Variants in RABGAP1L observed in about 807,000 individuals in gnomAD.
The protein encoded by RABGAP1L is RAB GTPase activating protein 1 like.
A neutral mutation model predicts 137.7 loss-of-function variants in RABGAP1L; 63 were observed. That is an observed-to-expected ratio of 0.46 (90% CI 0.37 to 0.56). The LOEUF (loss-of-function observed/expected upper bound fraction) is 0.56. Ranked by LOEUF, RABGAP1L falls within the 20% of genes least tolerant of loss-of-function variation. The pLI is 0.00. For synonymous variants in RABGAP1L, 431 were observed against 433.7 expected (o/e 0.99, Z 0.08); for missense variants, 1,095 against 1,244.0 (o/e 0.88, Z 1.80).
At chr1:174,906,930 G>A (rs1318836957) in intron 19 of RABGAP1L, among the ~76,000 whole-genome samples, 1 of 151,714 alleles carries the variant, frequency 6.6e-6, no homozygotes, top group Non-Finnish European at 1.5e-5. Context: ...CAAGAATACT[G>A]TACCCAGAAA....
intron 1 of RABGAP1L, among the ~76,000 whole-genome samples, chr1:174,188,773 G>A (rs1231900420): frequency 1.3e-5 from 2 of 152,198 alleles, no homozygotes; most frequent in African/African-American, 4.8e-5. Flanking sequence ...TCAGTAAACA[G>A]TGCTCTAAGC....
At chr1:174,470,251 A>G (rs1026046706) in intron 13 of RABGAP1L, among the ~76,000 whole-genome samples, 13 of 152,220 alleles carry the variant, frequency 8.5e-5, no homozygotes, top group African/African-American at 2.9e-4. Flanking sequence ...GGTTTAAATC[A>G]GGAACTCTTA....
At chr1:174,328,009 A>ATATATATATATATATATATATATG (rs1680693211) in intron 11 of RABGAP1L, among the ~76,000 whole-genome samples, 1 of 128,894 alleles carries the variant, frequency 7.8e-6, no homozygotes. Flanking sequence ...ATATATATAT[A>ATATATATATATATATATATATATG]TATATATATA....
chr1:174,632,978 A>G (rs1197888860), intron 13 of RABGAP1L, among the ~76,000 whole-genome samples: 2 of 151,992 alleles, frequency 1.3e-5, no homozygotes, highest in African/African-American at 4.8e-5. Flanking sequence ...TCTGCGTTTT[A>G]GAGTTTCCAG....
chr1:174,896,516 T>C (rs565649786), intron 19 of RABGAP1L, among the ~76,000 whole-genome samples: 2 of 152,336 alleles, frequency 1.3e-5, no homozygotes, highest in South Asian at 4.1e-4. Context: ...TCGTTGCCCA[T>C]GCCTATGTCC....
chr1:174,550,999 C>CATATACATATATATATATATATAT (rs1666476787), intron 13 of RABGAP1L, among the ~76,000 whole-genome samples: 1 of 86,348 alleles, frequency 1.2e-5, no homozygotes, highest in African/African-American at 8.3e-5. Context: ...TATATATACA[C>CATATACATATATATATATATATAT]ATATATATAT....
rs376702230 is a variant in RABGAP1L, at chr1:174,365,869, G to T, written c.1466-5110G>T. On this transcript the variant is annotated intron_variant, in intron 11 of 25. Coordinates refer to ENST00000681986, the MANE Select transcript of RABGAP1L (RefSeq NM_001366446.1). ...TTTGTGCAGATGGTTGTTAAAATTTGGTGTTCCAGGGAGTGTGGGGGTGTG... is the reference window on the plus strand; with the variant it reads ...TTTGTGCAGATGGTTGTTAAAATTTTGTGTTCCAGGGAGTGTGGGGGTGTG... Among the ~76,000 whole-genome samples the T allele has an allele frequency of 3.9e-5, 6 of 152,246 alleles. No homozygotes were observed. The East Asian group carries it at 1.2e-3, about 29-fold the overall frequency.
At chr1:174,679,224 C>T (rs554735338) in intron 14 of RABGAP1L, among the ~76,000 whole-genome samples, 10 of 152,150 alleles carry the variant, frequency 6.6e-5, no homozygotes, top group Non-Finnish European at 1.3e-4. Flanking sequence ...GTCGGGTGTG[C>T]GGGTGTGAGC....
intron 10 of RABGAP1L, among the ~76,000 whole-genome samples, chr1:174,292,317 C>T (rs943523565): frequency 1.4e-5 from 2 of 139,736 alleles, no homozygotes; most frequent in Non-Finnish European, 3.0e-5. Context: ...TGGGCCATTG[C>T]ACCTACCTAA....
chr1:174,700,016 T>C (rs1679529631), intron 16 of RABGAP1L, among the ~76,000 whole-genome samples: 2 of 152,130 alleles, frequency 1.3e-5, no homozygotes, highest in African/African-American at 2.4e-5. Flanking sequence ...ACTTCCTTAT[T>C]TGAGTCCACG....
chr1:174,672,569 A>G (rs933145231), intron 14 of RABGAP1L, among the ~76,000 whole-genome samples: 8 of 149,460 alleles, frequency 5.4e-5, no homozygotes, highest in African/African-American at 2.0e-4. Flanking sequence ...TTTATTTGCA[A>G]CCTGTCTTCT....
chr1:174,219,162 A>T lies in RABGAP1L; in HGVS notation c.5A>T (p.Glu2Val). 6.3e-7 allele frequency: 1 copy of T among 1,593,576 alleles called. No individual in the cohort carries two copies. The highest frequency in any genetic ancestry group is 8.5e-7 in the Non-Finnish European group (1 of 1,171,906). ...AGAGAAGTTTGCAGAACTGAAATGG[A>T]GGTCAGAGCTTCATTACAGAAGGTT... M[E>V]VRASLQKVSG... Residue 2 changes from glutamate to valine, a missense_variant, in exon 2 of 26, where the codon GAG becomes GTG. By Grantham distance (121) the Glu-to-Val change is moderately radical. This residue lies in a region of RABGAP1L where 356 missense variants were observed against 326.3 expected (regional missense o/e 1.09). Coordinates refer to ENST00000681986, the MANE Select transcript of RABGAP1L (RefSeq NM_001366446.1).
chr1:174,387,574 A>T (rs1451226310), intron 12 of RABGAP1L, among the ~76,000 whole-genome samples: 2 of 149,110 alleles, frequency 1.3e-5, no homozygotes, highest in Admixed American at 1.3e-4. Context: ...GTAATATTGG[A>T]GTAGGAAGAA....
intron 18 of RABGAP1L, among the ~76,000 whole-genome samples, chr1:174,769,178 G>A (rs2148723592): frequency 6.6e-6 from 1 of 152,250 alleles, no homozygotes; most frequent in South Asian, 2.1e-4. Flanking sequence ...CAGTCTCATT[G>A]AAGGTTAGGG....
intron 19 of RABGAP1L, among the ~76,000 whole-genome samples, chr1:174,953,152 T>C (rs1006410086): frequency 2.0e-5 from 3 of 151,996 alleles, no homozygotes; most frequent in African/African-American, 7.3e-5. Flanking sequence ...ATATGATTAG[T>C]GAGATGAACA....
chr1:174,423,595 G>A (rs1651610041), intron 13 of RABGAP1L, among the ~76,000 whole-genome samples: 1 of 152,080 alleles, frequency 6.6e-6, no homozygotes, highest in Non-Finnish European at 1.5e-5. Flanking sequence ...CTATTTACAT[G>A]CTAAGTAATA....
intron 10 of RABGAP1L, among the ~76,000 whole-genome samples, chr1:174,287,592 A>C (rs1676177604): frequency 6.6e-6 from 1 of 152,140 alleles, no homozygotes; most frequent in African/African-American, 2.4e-5. Flanking sequence ...TCCTGGGTTC[A>C]AGTGATTCTC....
At chr1:174,746,837 G>A (rs766385942) in intron 17 of RABGAP1L, among the ~76,000 whole-genome samples, 1 of 152,068 alleles carries the variant, frequency 6.6e-6, no homozygotes, top group Non-Finnish European at 1.5e-5. Context: ...GATGAAATAG[G>A]GACATGCCTT....
intron 10 of RABGAP1L, among the ~76,000 whole-genome samples, chr1:174,283,378 G>A (rs1480199445): frequency 6.6e-6 from 1 of 151,938 alleles, no homozygotes; most frequent in African/African-American, 2.4e-5. Flanking sequence ...TTGCACTCCA[G>A]CCTGGGCCAC....
Sources: allele counts gnomAD v4.1 joint callset (sites outside exome capture counted in the v4.1 genomes callset), GRCh38; gene constraint gnomAD v4.1.1; regional missense constraint gnomAD v4.1.1; transcripts MANE v1.5; gene names NCBI Gene and HGNC (gene_info 2026-07-23, HGNC 2026-07-21).